DNAI3: variants seen among roughly 807,000 people sequenced by gnomAD.
The protein encoded by DNAI3 is WD repeat domain 63.
Under a neutral mutation model 115.5 loss-of-function variants are expected in DNAI3, and 83 were observed. The ratio of observed to expected loss-of-function variants is 0.72; its 90% confidence interval spans 0.60 to 0.86. The LOEUF (loss-of-function observed/expected upper bound fraction) is 0.86, where lower values mean the gene tolerates loss of function less well. Among genes scored for constraint, DNAI3 ranks in the 40% least tolerant of loss-of-function variants. DNAI3 has a pLI of 0.00. For missense variants in DNAI3, 1,004 were observed against 1,075.8 expected, an observed-to-expected ratio of 0.93 and a Z score of 0.93; for synonymous variants, 320 against 347.0, an observed-to-expected ratio of 0.92 and a Z score of 0.86.
At chr1:85,130,754 T>C (rs1265073379) in intron 22 of DNAI3, among the ~76,000 whole-genome samples, 2 of 151,932 alleles carry the variant, frequency 1.3e-5, no homozygotes, top group African/African-American at 4.8e-5. Context: ...AAGAGGTGAA[T>C]TTTACTGTAT....
At chr1:85,128,847 C>G (rs1468655917) in intron 21 of DNAI3, 48 bp downstream of exon 21, 5 of 1,514,670 alleles carry the variant, frequency 3.3e-6, no homozygotes, top group Non-Finnish European at 4.6e-6. Context: ...CCAGATATTG[C>G]TGAGATATGT....
intron 20 of DNAI3, among the ~76,000 whole-genome samples, chr1:85,127,366 G>A (rs557283186): frequency 7.2e-5 from 11 of 151,732 alleles, no homozygotes; most frequent in East Asian, 3.9e-4. Flanking sequence ...TTTCTGTTTC[G>A]CCCAAGTAGT....
chr1:85,078,073 C>G (rs576076506), intron 3 of DNAI3, among the ~76,000 whole-genome samples: 10 of 152,136 alleles, frequency 6.6e-5, no homozygotes, highest in African/African-American at 9.7e-5. Context: ...CTGCCATTCA[C>G]TGGATCCTAT....
chr1:85,119,276 T>C (rs1350660706), intron 17 of DNAI3, among the ~76,000 whole-genome samples: 1 of 152,234 alleles, frequency 6.6e-6, no homozygotes, highest in Non-Finnish European at 1.5e-5. Flanking sequence ...CCACCATCCA[T>C]GTCCAGAACT....
chr1:85,109,943 T>G, intron 15 of DNAI3, 105 bp from the exon 16 acceptor site: 1 of 1,009,322 alleles, frequency 9.9e-7, no homozygotes, highest in Non-Finnish European at 1.5e-6. Context: ...AAAAAGGAGG[T>G]GGGTTTCCTT....
In DNAI3 at chr1:85,129,979, G is replaced by C; in HGVS notation, c.2410-11G>C. 1.2e-6 allele frequency: 2 copies of C among 1,610,658 alleles called. No homozygotes were observed. Among genetic ancestry groups the C allele is most frequent in the Non-Finnish European group, 1.7e-6 (2 of 1,178,716 alleles). Reference sequence around the variant, plus strand: ...GCCTGTCACCCTCTCATGGACTTCTGTTTCTAACAGATGGCAAGTGTCAAC... The same window carrying C: ...GCCTGTCACCCTCTCATGGACTTCTCTTTCTAACAGATGGCAAGTGTCAAC... On this transcript the variant is annotated splice_polypyrimidine_tract_variant and intron_variant, in intron 21 of 22. Transcript: ENST00000294664.
chr1:85,109,324 AT>A (rs773753267), intron 15 of DNAI3, among the ~76,000 whole-genome samples: 3 of 152,290 alleles, frequency 2.0e-5, no homozygotes, highest in South Asian at 2.1e-4. Context: ...ATTATTTTGT[AT>A]TTGCTCCCAA....
At chr1:85,105,404 G>A (rs944611203) in intron 14 of DNAI3, among the ~76,000 whole-genome samples, 1 of 151,878 alleles carries the variant, frequency 6.6e-6, no homozygotes, top group African/African-American at 2.4e-5. Context: ...TCTACTGAGT[G>A]CTTTAATGGG....
intron 15 of DNAI3, 77 bp downstream of exon 15, chr1:85,108,254 C>T: frequency 7.3e-7 from 1 of 1,378,124 alleles, no homozygotes; most frequent in Non-Finnish European, 9.5e-7. Flanking sequence ...CATACATATA[C>T]ACACACTCTC....
chr1:85,130,176 G>C, intron 22 of DNAI3, 64 bp downstream of exon 22: 1 of 1,597,710 alleles, frequency 6.3e-7, no homozygotes, highest in Non-Finnish European at 8.5e-7. Flanking sequence ...TATTTGTTTG[G>C]CTTAATCCAC....
chr1:85,083,507 T>C (rs1654692019), intron 5 of DNAI3, among the ~76,000 whole-genome samples: 1 of 151,820 alleles, frequency 6.6e-6, no homozygotes, highest in African/African-American at 2.4e-5. Flanking sequence ...AAAAATAAAA[T>C]AAAAGCTAAC....
chr1:85,110,093 A>G lies in DNAI3; in HGVS notation c.1744A>G (p.Lys582Glu). The change falls in exon 16 of 23, where the codon AAG (lysine) becomes GAG (glutamate). Residue 582 changes from lysine to glutamate, a missense_variant. Physicochemically the swap from Lys to Glu is moderately conservative, Grantham distance 56. This residue lies in a region of DNAI3 where 429 missense variants were observed against 454.3 expected (regional missense o/e 0.94). Coordinates refer to ENST00000294664, the MANE Select transcript of DNAI3 (RefSeq NM_145172.5). The stretch of plus-strand genomic sequence containing the variant: ...AACAAGTTTAGACCACTGTCCAACC[A>G]AGATAAGCCTGAATGAAGACCATCT... ...GETSLDHCPT[K>E]ISLNEDHLLC... 1 of 1,613,856 alleles carries G rather than the reference A, an allele frequency of 6.2e-7. No homozygotes were observed.
chr1:85,110,024 C>A, intron 15 of DNAI3, 24 bp from the exon 16 acceptor site: 1 of 1,601,604 alleles, frequency 6.2e-7, no homozygotes, highest in Non-Finnish European at 8.5e-7. Flanking sequence ...TGGAAATAAT[C>A]TTTGCTATAT....
chr1:85,117,616 G>C (rs1284817857), intron 16 of DNAI3, 113 bp from the exon 17 acceptor site: 1 of 1,420,610 alleles, frequency 7.0e-7, no homozygotes, highest in East Asian at 2.3e-5. Flanking sequence ...CACTACATTG[G>C]GAAGGGAATG....
intron 11 of DNAI3, among the ~76,000 whole-genome samples, chr1:85,097,012 T>C (rs1324552163): frequency 6.6e-6 from 1 of 152,184 alleles, no homozygotes; most frequent in Non-Finnish European, 1.5e-5. Context: ...TTGTTAAAAC[T>C]TTAGTGTACT....
At chr1:85,063,543 C>T (rs1176971793) in intron 1 of DNAI3, among the ~76,000 whole-genome samples, 1 of 152,230 alleles carries the variant, frequency 6.6e-6, no homozygotes, top group East Asian at 1.9e-4. Flanking sequence ...CAGTGCAAGA[C>T]TGTCTCACAA....
chr1:85,093,054 G>A (rs1396430358), intron 8 of DNAI3, among the ~76,000 whole-genome samples: 3 of 152,186 alleles, frequency 2.0e-5, no homozygotes, highest in Non-Finnish European at 4.4e-5. Flanking sequence ...TAAAGGAGGA[G>A]GAGACAGGAC....
At chr1:85,073,742 G>A (rs1654361930) in intron 3 of DNAI3, among the ~76,000 whole-genome samples, 2 of 152,220 alleles carry the variant, frequency 1.3e-5, no homozygotes, top group African/African-American at 4.8e-5. Context: ...TAGTATTTAA[G>A]CAAAGGGTGA....
At chr1:85,086,508 A>G (rs1230001599) in intron 7 of DNAI3, among the ~76,000 whole-genome samples, 1 of 152,154 alleles carries the variant, frequency 6.6e-6, no homozygotes, top group Non-Finnish European at 1.5e-5. Flanking sequence ...CTGCCTCTCC[A>G]GTCCCATCAT....
Sources: allele counts gnomAD v4.1 joint callset (sites outside exome capture counted in the v4.1 genomes callset), GRCh38; gene constraint gnomAD v4.1.1; regional missense constraint gnomAD v4.1.1; transcripts MANE v1.5; gene names NCBI Gene and HGNC (gene_info 2026-07-23, HGNC 2026-07-21).